TGM6: variants seen among roughly 807,000 people sequenced by gnomAD.
The protein encoded by TGM6 is transglutaminase 6.
TGM6 carries 74 observed loss-of-function variants against 77.5 expected under a neutral mutation model. That is an observed-to-expected ratio of 0.96 (90% CI 0.79 to 1.16). The LOEUF is 1.16. TGM6 is among the 50% of genes most tolerant of loss of function. The pLI is 0.00. For missense variants in TGM6, 968 were observed against 940.2 expected, an observed-to-expected ratio of 1.03 and a Z score of -0.39; for synonymous variants, 383 against 378.9, an observed-to-expected ratio of 1.01 and a Z score of -0.12.
chr20:2,424,026 A>G (rs746893905), intron 10 of TGM6, among the ~76,000 whole-genome samples: 2 of 152,196 alleles, frequency 1.3e-5, no homozygotes, highest in African/African-American at 2.4e-5. Context: ...CATGCTATAA[A>G]CAGATGTGCT....
intron 1 of TGM6, among the ~76,000 whole-genome samples, chr20:2,381,894 G>A (rs1436827356): frequency 6.6e-6 from 1 of 152,102 alleles, no homozygotes; most frequent in Non-Finnish European, 1.5e-5. Flanking sequence ...CTGCAGGCTG[G>A]GCAACAGAGT....
At chr20:2,381,552 G>A (rs1051830104) in intron 1 of TGM6, among the ~76,000 whole-genome samples, 1 of 152,218 alleles carries the variant, frequency 6.6e-6, no homozygotes, top group Admixed American at 6.5e-5. Flanking sequence ...GCCTTGCTGT[G>A]AGGAGTTGGT....
chr20:2,396,631 A>AG lies in TGM6; in HGVS notation c.543+11dup. The AG allele has an allele frequency of 6.2e-7, 1 of 1,613,812 alleles. No individual in the cohort carries two copies. Among genetic ancestry groups the AG allele is most frequent in the South Asian group, 1.1e-5 (1 of 91,050 alleles). On this transcript the variant is annotated splice_region_variant and intron_variant, in intron 4 of 12. Coordinates refer to ENST00000202625, the MANE Select transcript of TGM6 (RefSeq NM_198994.3). ...GGGCTGGAACTACGGGCAGGTCTCC[A>AG]GGGGCACAGGCCAGACAAGGATGTG...
At chr20:2,385,891 C>A (rs1373102468) in intron 1 of TGM6, among the ~76,000 whole-genome samples, 1 of 152,218 alleles carries the variant, frequency 6.6e-6, no homozygotes, top group Non-Finnish European at 1.5e-5. Context: ...GGGGGAGACT[C>A]AGCCTTCGCC....
intron 9 of TGM6, among the ~76,000 whole-genome samples, chr20:2,415,010 C>T (rs537492344): frequency 6.6e-6 from 1 of 150,838 alleles, no homozygotes; most frequent in South Asian, 2.1e-4. Flanking sequence ...TACTAAGAAA[C>T]ATTGAATTGC....
intron 4 of TGM6, 147 bp from the exon 5 acceptor site, chr20:2,397,771 G>A (rs933210938): frequency 2.4e-6 from 3 of 1,264,610 alleles, no homozygotes; most frequent in Non-Finnish European, 3.4e-6. Context: ...TCCAAGACTA[G>A]GGGGTGCTCT....
rs114416742 is a variant in TGM6, at chr20:2,388,624, C to A, written c.8-5828C>A. Among the ~76,000 whole-genome samples, 77 of 148,076 alleles carry A rather than the reference C, an allele frequency of 5.2e-4. 1 individual carries two copies. The highest frequency in any genetic ancestry group is 6.4e-4 in the South Asian group (3 of 4,714). On this transcript the variant is annotated intron_variant, in intron 1 of 12. Coordinates refer to ENST00000202625, the MANE Select transcript of TGM6 (RefSeq NM_198994.3). Reference sequence around the variant, plus strand: ...CTATCTCAAATTAAAAACAAACAAACAAACAAAAAAAAACAGGCTGTGTAA... The same window carrying A: ...CTATCTCAAATTAAAAACAAACAAAAAAACAAAAAAAAACAGGCTGTGTAA...
intron 1 of TGM6, among the ~76,000 whole-genome samples, chr20:2,385,075 C>T (rs1254386213): frequency 3.3e-5 from 5 of 152,154 alleles, no homozygotes; most frequent in Admixed American, 3.3e-4. Flanking sequence ...AGAGGTACGG[C>T]AAGCTGGGAC....
intron 10 of TGM6, among the ~76,000 whole-genome samples, chr20:2,424,908 C>A (rs6048865): frequency 0.44 from 67,198 of 152,000 alleles, 15,848 homozygotes; most frequent in African/African-American, 0.61. Flanking sequence ...GGCCCAAGGA[C>A]AGGGAGAGAG....
At chr20:2,417,169 G>C in intron 9 of TGM6, 63 bp from the exon 10 acceptor site, 2 of 1,483,782 alleles carry the variant, frequency 1.3e-6, no homozygotes, top group South Asian at 2.4e-5. Flanking sequence ...TGACTTCCAT[G>C]AGCCATAGTA....
chr20:2,395,253 C>CG lies in TGM6; in HGVS notation c.245dup (p.Glu83Ter), dbSNP rs1568656116. The CG allele has an allele frequency of 6.2e-7, 1 of 1,614,020 alleles. No homozygotes were observed. Among genetic ancestry groups the CG allele is most frequent in the Non-Finnish European group, 8.5e-7 (1 of 1,179,994 alleles). ...TGTGTTCCAGACATCGGAGCTGGAG[C>CG]GGGGTGAGGGCTGGACAGCAGCAAG... On this transcript the variant is annotated frameshift_variant, in exon 3 of 13. Coordinates refer to ENST00000202625, the MANE Select transcript of TGM6 (RefSeq NM_198994.3). LOFTEE classifies it high-confidence loss of function.
intron 9 of TGM6, among the ~76,000 whole-genome samples, chr20:2,415,661 T>C (rs114680531): frequency 4.8e-4 from 73 of 152,158 alleles, no homozygotes; most frequent in African/African-American, 1.6e-3. Context: ...TGGTGAGGGC[T>C]CTGTTGTGAG....
At position 2,403,430 on chromosome 20, in the gene TGM6, C is replaced by A; in HGVS notation, c.1023C>A (p.Ala341=). ...ATGTCTGGAATGAGAGCTGGTTTGCCCGGCAGGACCTAGGCCCCTCTTACA... is the reference window on the plus strand; with the variant it reads ...ATGTCTGGAATGAGAGCTGGTTTGCACGGCAGGACCTAGGCCCCTCTTACA... The part of the protein sequence containing the change: ...NFHVWNESWF[A]RQDLGPSYNG... The change falls in exon 8 of 13, where the codon GCC becomes GCA. Residue 341 remains alanine, a synonymous_variant. Coordinates refer to ENST00000202625, the MANE Select transcript of TGM6 (RefSeq NM_198994.3). 6.2e-7 allele frequency: 1 copy of A among 1,614,134 alleles called. No homozygotes were observed. Among genetic ancestry groups the A allele is most frequent in the Non-Finnish European group, 8.5e-7 (1 of 1,180,042 alleles).
At chr20:2,404,857 C>T (rs2084739191) in intron 9 of TGM6, among the ~76,000 whole-genome samples, 1 of 152,006 alleles carries the variant, frequency 6.6e-6, no homozygotes, top group Admixed American at 6.6e-5. Flanking sequence ...GCCAGGCTGC[C>T]CTTGAACTCC....
Position 2,390,386 on chromosome 20 carries a change from A to T in TGM6, c.8-4066A>T, listed in dbSNP as rs114993691. Among the ~76,000 whole-genome samples, 979 of 152,368 alleles carry T rather than the reference A, an allele frequency of 6.4e-3. 11 individuals carry two copies. Among genetic ancestry groups the T allele is most frequent in the African/African-American group, 0.021 (878 of 41,586 alleles). On this transcript the variant is annotated intron_variant, in intron 1 of 12. Transcript: ENST00000202625. ...TTCTTATGTTAATCACAATAAAACT[A>T]GTATAACCACTGACCCAGTGGTCAA...
chr20:2,432,541 C>T lies in TGM6; in HGVS notation c.2019C>T (p.Thr673=), dbSNP rs779951018. 100 of 1,613,996 alleles carry T rather than the reference C, an allele frequency of 6.2e-5. No homozygotes were observed. Among genetic ancestry groups the T allele is most frequent in the Non-Finnish European group, 8.1e-5 (96 of 1,180,044 alleles). ...GGGCCTCAGTCCAGTTTGACATCAC[C>T]CCCTCCAAAAGTGGCCCAAGGCAGC... is the stretch of plus-strand genomic sequence containing the variant. ...QERASVQFDI[T]PSKSGPRQLQ... is the part of the protein sequence containing the mutation. Residue 673 remains threonine (T), a synonymous_variant, in exon 13 of 13, where the codon ACC becomes ACT. Transcript: ENST00000202625.
At chr20:2,387,714 C>A (rs923534715) in intron 1 of TGM6, among the ~76,000 whole-genome samples, 1 of 152,202 alleles carries the variant, frequency 6.6e-6, no homozygotes, top group Non-Finnish European at 1.5e-5. Context: ...TCCTGTGTAG[C>A]AAACTGCCCC....
chr20:2,398,124 C>A (rs552492318), intron 5 of TGM6, 78 bp downstream of exon 5: 1 of 1,609,354 alleles, frequency 6.2e-7, no homozygotes, highest in South Asian at 1.1e-5. Context: ...ACCTGTGATT[C>A]TTCCCATCAC....
intron 10 of TGM6, among the ~76,000 whole-genome samples, chr20:2,421,161 A>T (rs1599966343): frequency 6.6e-6 from 1 of 151,992 alleles, no homozygotes; most frequent in East Asian, 1.9e-4. Flanking sequence ...TAATTTTTGT[A>T]TTTTTAGTAA....
Sources: allele counts gnomAD v4.1 joint callset (sites outside exome capture counted in the v4.1 genomes callset), GRCh38; gene constraint gnomAD v4.1.1; transcripts MANE v1.5; gene names NCBI Gene and HGNC (gene_info 2026-07-23, HGNC 2026-07-21).